RDH10: variants seen among roughly 807,000 people sequenced by gnomAD.
RDH10 encodes retinol dehydrogenase 10.
In RDH10, 12 loss-of-function variants were observed where a neutral mutation model predicts 30.2. The ratio of observed to expected loss-of-function variants is 0.40; its 90% CI spans 0.25 to 0.64. The LOEUF (loss-of-function observed/expected upper bound fraction) is 0.64. Ranked by LOEUF, RDH10 falls within the 30% of genes least tolerant of loss-of-function variation. The pLI, the probability that RDH10 is intolerant of heterozygous loss-of-function variation, is 0.43. For synonymous variants in RDH10, 189 were observed against 172.2 expected (o/e 1.10, Z -0.76); for missense variants, 268 against 445.2 (o/e 0.60, Z 3.58).
chr8:73,299,642 A>G (rs904794080), intron 2 of RDH10, among the ~76,000 whole-genome samples: 2 of 152,202 alleles, frequency 1.3e-5, no homozygotes, highest in Non-Finnish European at 2.9e-5. Flanking sequence ...AGACTACATA[A>G]CTAAACTTTT....
At chr8:73,306,688 A>G (rs898966701) in intron 2 of RDH10, among the ~76,000 whole-genome samples, 5 of 152,382 alleles carry the variant, frequency 3.3e-5, no homozygotes, top group African/African-American at 1.2e-4. Context: ...CAAAGATCAC[A>G]CAAAGATGTG....
chr8:73,301,362 T>A (rs2130358785), intron 2 of RDH10, among the ~76,000 whole-genome samples: 1 of 151,940 alleles, frequency 6.6e-6, no homozygotes, highest in South Asian at 2.1e-4. Flanking sequence ...AACTCTATTC[T>A]TAAGTCACTC....
At chr8:73,296,730 A>G (rs1476985950) in intron 1 of RDH10, among the ~76,000 whole-genome samples, 1 of 152,142 alleles carries the variant, frequency 6.6e-6, no homozygotes, top group Non-Finnish European at 1.5e-5. Context: ...CAGATTATTA[A>G]TTGCAGTTTT....
At chr8:73,304,006 G>GA (rs1814425690) in intron 2 of RDH10, among the ~76,000 whole-genome samples, 1 of 152,050 alleles carries the variant, frequency 6.6e-6, no homozygotes, top group South Asian at 2.1e-4. Flanking sequence ...TAACCTAAAT[G>GA]AAAAAAACAG....
In RDH10 at chr8:73,297,330, G is replaced by A; in HGVS notation, c.426G>A (p.Leu142=). The A allele has an allele frequency of 6.2e-7, 1 of 1,614,090 alleles. No homozygotes were observed. Among genetic ancestry groups the A allele is most frequent in the Admixed American group, 1.7e-5 (1 of 60,032 alleles). ...AGGAGGTTGGCGAAGTCTCAGTCCT[G>A]GTCAATAATGCTGGTGTGGTCTCTG... ...VRKEVGEVSV[L]VNNAGVVSGH... Residue 142 remains leucine, a synonymous_variant, in exon 2 of 6, where the codon CTG becomes CTA. Transcript: ENST00000240285.
At chr8:73,298,024 T>G (rs1814305109) in intron 2 of RDH10, 1 of 155,824 alleles carries the variant, frequency 6.4e-6, no homozygotes, top group South Asian at 1.9e-4. Context: ...GGCGAGGTGG[T>G]GAAACCTGGT....
At chr8:73,322,201 C>T (rs1038110511) in intron 4 of RDH10, 13 of 353,134 alleles carry the variant, frequency 3.7e-5, no homozygotes, top group African/African-American at 2.8e-4. Context: ...TTTCAGGGGC[C>T]CCTAGAGAAT....
chr8:73,321,695 C>G (rs748598143), intron 4 of RDH10: 19 of 410,554 alleles, frequency 4.6e-5, no homozygotes, highest in Middle Eastern at 3.5e-4. Flanking sequence ...GCAGAATAAA[C>G]AAAACTGTGA....
At chr8:73,300,453 G>A (rs1814355590) in intron 2 of RDH10, 1 of 152,072 alleles carries the variant, frequency 6.6e-6, no homozygotes, top group African/African-American at 2.4e-5. Flanking sequence ...TAATGAGTGT[G>A]TCTTTTTACT....
At chr8:73,318,468 C>A (rs1814712773) in intron 2 of RDH10, among the ~76,000 whole-genome samples, 1 of 152,216 alleles carries the variant, frequency 6.6e-6, no homozygotes, top group Non-Finnish European at 1.5e-5. Flanking sequence ...CAGAATGATA[C>A]ACGTTCTTGT....
chr8:73,316,015 GAT>G (rs1379192005), intron 2 of RDH10, among the ~76,000 whole-genome samples: 1 of 152,040 alleles, frequency 6.6e-6, no homozygotes, highest in African/African-American at 2.4e-5. Context: ...ATTACTTAGG[GAT>G]ATGTTTTCTA....
At chr8:73,311,000 A>G (rs2130369576) in intron 2 of RDH10, 1 of 152,210 alleles carries the variant, frequency 6.6e-6, no homozygotes, top group East Asian at 1.9e-4. Context: ...TCAATGAGAT[A>G]TTTTTGCTGA....
chr8:73,306,330 C>T (rs889028965), intron 2 of RDH10, among the ~76,000 whole-genome samples: 3 of 152,256 alleles, frequency 2.0e-5, no homozygotes, highest in Non-Finnish European at 4.4e-5. Context: ...GGAATGCTAA[C>T]ATTTTTTACT....
At chr8:73,310,785 G>A (rs376846538) in intron 2 of RDH10, 1 of 152,150 alleles carries the variant, frequency 6.6e-6, no homozygotes, top group Non-Finnish European at 1.5e-5. Context: ...GATCATCTAG[G>A]GCCCGGCAGG....
At chr8:73,318,195 A>G (rs1262893859) in intron 2 of RDH10, among the ~76,000 whole-genome samples, 1 of 152,156 alleles carries the variant, frequency 6.6e-6, no homozygotes, top group Non-Finnish European at 1.5e-5. Flanking sequence ...AGTAGTTAAT[A>G]GATCATCGTA....
chr8:73,298,976 G>A lies in RDH10; in HGVS notation c.525+1547G>A, dbSNP rs368009523. Among the ~76,000 whole-genome samples the A allele has an allele frequency of 9.5e-4, 144 of 152,198 alleles. 8 individuals are homozygous for A. Among genetic ancestry groups the A allele is most frequent in the Admixed American group, 2.9e-3 (44 of 15,276 alleles). On this transcript the variant is annotated intron_variant, in intron 2 of 5. Coordinates refer to ENST00000240285, the MANE Select transcript of RDH10 (RefSeq NM_172037.5). ...ATTGCAGGCATGCACCACCACGCCC[G>A]GCTAATTTTGTATTTTTAGTAGAGG...
chr8:73,315,291 T>C (rs972774063), intron 2 of RDH10: 2 of 153,372 alleles, frequency 1.3e-5, no homozygotes, highest in African/African-American at 5.0e-5. Context: ...CCTTTTTTGC[T>C]TCCTTTTCCT....
At chr8:73,312,407 C>T (rs1000791985) in intron 2 of RDH10, 1 of 152,204 alleles carries the variant, frequency 6.6e-6, no homozygotes, top group South Asian at 2.1e-4. Context: ...TAGTACTTAA[C>T]ACACACGCAC....
chr8:73,311,706 A>G (rs534161699), intron 2 of RDH10: 80 of 152,350 alleles, frequency 5.3e-4, no homozygotes, highest in African/African-American at 1.7e-3. Flanking sequence ...TCTCTCCTCT[A>G]TTATCTAAAG....
Sources: gnomAD v4.1 joint callset for allele counts (sites outside exome capture counted in the v4.1 genomes callset) on GRCh38, gnomAD v4.1.1 for gene constraint, MANE v1.5 for transcripts, NCBI Gene and HGNC (gene_info 2026-07-23, HGNC 2026-07-21) for gene names.